SPOCK3: variants seen among roughly 807,000 people sequenced by gnomAD.
The protein encoded by SPOCK3 is testican-3.
Under a neutral mutation model 56.6 loss-of-function variants are expected in SPOCK3, and 30 were observed. That is an observed-to-expected ratio of 0.53 (90% CI 0.40 to 0.72). The LOEUF is 0.72. SPOCK3 is among the 30% of genes least tolerant of loss of function. The pLI is 0.00. For missense variants in SPOCK3, 527 were observed against 530.0 expected (o/e 0.99, Z 0.06); for synonymous variants, 196 against 183.3 (o/e 1.07, Z -0.56).
chr4:167,118,257 T>C (rs998593881), intron 2 of SPOCK3, among the ~76,000 whole-genome samples: 1 of 152,184 alleles, frequency 6.6e-6, no homozygotes, highest in African/African-American at 2.4e-5. Flanking sequence ...TTATAGCTTA[T>C]AGAACATAAT....
At chr4:167,147,908 T>C (rs1480705019) in intron 2 of SPOCK3, among the ~76,000 whole-genome samples, 1 of 151,774 alleles carries the variant, frequency 6.6e-6, no homozygotes, top group Non-Finnish European at 1.5e-5. Flanking sequence ...TGTATACCTA[T>C]GAAACAAACC....
chr4:167,057,607 G>A (rs1351630598), intron 3 of SPOCK3, among the ~76,000 whole-genome samples: 4 of 151,154 alleles, frequency 2.6e-5, no homozygotes, highest in African/African-American at 7.3e-5. Context: ...CCAAGCAAAT[G>A]GAAAACAAAA....
chr4:166,773,769 T>C (rs986660130), intron 7 of SPOCK3, among the ~76,000 whole-genome samples: 1 of 152,320 alleles, frequency 6.6e-6, no homozygotes, highest in Admixed American at 6.5e-5. Context: ...ACCTACCTCA[T>C]TTGAACTTCA....
chr4:166,831,260 T>A (rs1055163433), intron 6 of SPOCK3, among the ~76,000 whole-genome samples: 4 of 152,194 alleles, frequency 2.6e-5, no homozygotes, highest in South Asian at 4.1e-4. Context: ...ACATAGTAAG[T>A]TGTGTCAACA....
intron 4 of SPOCK3, among the ~76,000 whole-genome samples, chr4:166,982,932 C>G (rs906464286): frequency 2.6e-5 from 4 of 152,136 alleles, no homozygotes; most frequent in Non-Finnish European, 5.9e-5. Context: ...GATTTATCAA[C>G]CCCTCTTCCC....
intron 6 of SPOCK3, among the ~76,000 whole-genome samples, chr4:166,836,341 A>T (rs1746623316): frequency 6.6e-6 from 1 of 152,208 alleles, no homozygotes. Context: ...TCAGCTTTCT[A>T]AGAATTATTT....
chr4:167,187,893 GA>G (rs1732145794), intron 2 of SPOCK3, among the ~76,000 whole-genome samples: 1 of 152,134 alleles, frequency 6.6e-6, no homozygotes, highest in Admixed American at 6.5e-5. Flanking sequence ...GTACAAATAT[GA>G]AGTGGATGTG....
chr4:166,919,349 C>A (rs914519259), intron 4 of SPOCK3, among the ~76,000 whole-genome samples: 5 of 152,100 alleles, frequency 3.3e-5, no homozygotes, highest in African/African-American at 1.2e-4. Context: ...TTTCTTTGAA[C>A]AGATCCAGTT....
At chr4:166,841,067 C>G (rs1373933769) in intron 6 of SPOCK3, among the ~76,000 whole-genome samples, 1 of 151,902 alleles carries the variant, frequency 6.6e-6, no homozygotes, top group East Asian at 1.9e-4. Context: ...CGTAAGCCCC[C>G]ACGCCCGGCC....
At chr4:166,923,652 G>A (rs1738750976) in intron 4 of SPOCK3, among the ~76,000 whole-genome samples, 1 of 152,136 alleles carries the variant, frequency 6.6e-6, no homozygotes, top group Non-Finnish European at 1.5e-5. Context: ...GCAGCCACAA[G>A]ACTGTTCCCA....
At chr4:166,784,072 T>C (rs1039414529) in intron 7 of SPOCK3, among the ~76,000 whole-genome samples, 1 of 152,132 alleles carries the variant, frequency 6.6e-6, no homozygotes, top group Non-Finnish European at 1.5e-5. Flanking sequence ...AATTAAATAT[T>C]TACATTATTG....
intron 2 of SPOCK3, among the ~76,000 whole-genome samples, chr4:167,222,952 ATAT>A (rs1471442623): frequency 7.8e-6 from 1 of 127,854 alleles, no homozygotes; most frequent in African/African-American, 3.1e-5. Flanking sequence ...AACATATAAT[ATAT>A]ATTATACATA....
intron 2 of SPOCK3, among the ~76,000 whole-genome samples, chr4:167,100,455 T>TCA (rs1213317234): frequency 1.3e-5 from 2 of 150,246 alleles, no homozygotes; most frequent in Non-Finnish European, 3.0e-5. Flanking sequence ...TCTCTCTCTC[T>TCA]CTCACACACA....
chr4:166,849,013 C>G (rs748562391), intron 6 of SPOCK3, among the ~76,000 whole-genome samples: 1 of 151,538 alleles, frequency 6.6e-6, no homozygotes, highest in Non-Finnish European at 1.5e-5. Flanking sequence ...AGTAAAGAAG[C>G]CAACATTTTA....
chr4:166,838,533 A>T (rs1746867410), intron 6 of SPOCK3, among the ~76,000 whole-genome samples: 1 of 150,558 alleles, frequency 6.6e-6, no homozygotes, highest in Non-Finnish European at 1.5e-5. Context: ...TCCGTTGGTT[A>T]TTTTTTTACA....
chr4:166,735,076 T>A lies in SPOCK3; in HGVS notation c.1147A>T (p.Ile383Phe), dbSNP rs749392150. 9.4e-6 allele frequency: 15 copies of A among 1,602,414 alleles called. No individual in the cohort carries two copies. Among genetic ancestry groups the A allele is most frequent in the Non-Finnish European group, 1.3e-5 (15 of 1,173,154 alleles). Residue 383 changes from isoleucine (I) to phenylalanine (F), a missense_variant, in exon 11 of 11, where the codon ATC becomes TTC. Physicochemically the swap from Ile to Phe is conservative, Grantham distance 21. Transcript: ENST00000357545. Reference protein sequence around the residue: ...GVADCAIDFEISGDFASGDFH... With the variant: ...GVADCAIDFEFSGDFASGDFH... The stretch of plus-strand genomic sequence containing the variant: ...TCGCCACTAGCAAAATCTCCGGAGA[T>A]CTCAAAATCTATAGCTTAAAACAAG...
chr4:167,012,690 A>T (rs1268178332), intron 3 of SPOCK3, among the ~76,000 whole-genome samples: 1 of 151,960 alleles, frequency 6.6e-6, no homozygotes, highest in Non-Finnish European at 1.5e-5. Flanking sequence ...TTCATTTGTT[A>T]AAATGTTTCT....
chr4:166,959,771 T>C (rs905175317), intron 4 of SPOCK3, among the ~76,000 whole-genome samples: 2 of 152,144 alleles, frequency 1.3e-5, no homozygotes, highest in East Asian at 1.9e-4. Flanking sequence ...TAAAGACCAG[T>C]AATACTATTA....
At chr4:166,964,039 G>T (rs572395392) in intron 4 of SPOCK3, among the ~76,000 whole-genome samples, 143 of 151,214 alleles carry the variant, frequency 9.5e-4, no homozygotes, top group African/African-American at 3.2e-3. Context: ...CCATTATCTT[G>T]TACTTTTTTA....
Sources: allele counts gnomAD v4.1 joint callset (sites outside exome capture counted in the v4.1 genomes callset), GRCh38; gene constraint gnomAD v4.1.1; transcripts MANE v1.5; gene names NCBI Gene and HGNC (gene_info 2026-07-23, HGNC 2026-07-21).